C2orf42: variants seen among roughly 807,000 people sequenced by gnomAD.
The protein encoded by C2orf42 is uncharacterized protein C2orf42.
A neutral mutation model predicts 58.9 loss-of-function variants in C2orf42; 44 were observed. That is an observed-to-expected ratio of 0.75 (90% CI 0.59 to 0.96). The LOEUF (loss-of-function observed/expected upper bound fraction) is 0.96, where lower values mean the gene tolerates loss of function less well. Ranked by LOEUF, C2orf42 falls within the 40% of genes least tolerant of loss-of-function variation. The pLI, the probability that C2orf42 is intolerant of heterozygous loss-of-function variation, is 0.00. For missense variants in C2orf42, 630 were observed against 699.2 expected, an observed-to-expected ratio of 0.90 and a Z score of 1.12; for synonymous variants, 239 against 265.4, an observed-to-expected ratio of 0.90 and a Z score of 0.97.
At chr2:70,183,090 C>G (rs1175324405) in intron 1 of C2orf42, among the ~76,000 whole-genome samples, 155 bp from the exon 2 acceptor site, 2 of 152,050 alleles carry the variant, frequency 1.3e-5, no homozygotes, top group Non-Finnish European at 2.9e-5. Flanking sequence ...TTTTGTACTT[C>G]CAACTGTAAG....
chr2:70,173,300 G>A (rs1194605416), intron 5 of C2orf42, among the ~76,000 whole-genome samples: 2 of 129,706 alleles, frequency 1.5e-5, no homozygotes, highest in Admixed American at 8.4e-5. Flanking sequence ...TTGAGACGGA[G>A]TCTCACTCTG....
intron 8 of C2orf42, among the ~76,000 whole-genome samples, chr2:70,164,173 T>C (rs1265448807): frequency 6.6e-6 from 1 of 151,632 alleles, no homozygotes; most frequent in Non-Finnish European, 1.5e-5. Flanking sequence ...CATGGTGGCA[T>C]ATGCCTGTAG....
chr2:70,160,630 T>A lies in C2orf42; in HGVS notation c.1511A>T (p.Lys504Ile), dbSNP rs760716205. Reference protein sequence around the residue: ...LRPLELKTFLKVGNTSPDQKE... With the variant: ...LRPLELKTFLIVGNTSPDQKE... ...CAGTTTTGAAGTTCACTTACCAACT[T>A]TGAGAAAAGTTTTTAGTTCCAAGGG... Residue 504 changes from lysine to isoleucine, a missense_variant, in exon 9 of 10, where the codon AAA (lysine) becomes ATA (isoleucine). Coordinates refer to ENST00000264434, the MANE Select transcript of C2orf42 (RefSeq NM_017880.3). The A allele has an allele frequency of 1.2e-6, 2 of 1,602,022 alleles. No individual in the cohort carries two copies. Among genetic ancestry groups the A allele is most frequent in the Admixed American group, 3.6e-5 (2 of 55,954 alleles).
At chr2:70,170,565 C>T (rs2104915588) in intron 5 of C2orf42, among the ~76,000 whole-genome samples, 1 of 151,980 alleles carries the variant, frequency 6.6e-6, no homozygotes, top group East Asian at 1.9e-4. Flanking sequence ...ACCAGGCTGG[C>T]CAACATGGTG....
chr2:70,152,721 A>T (rs555711892), intron 9 of C2orf42, among the ~76,000 whole-genome samples: 9 of 152,170 alleles, frequency 5.9e-5, no homozygotes, highest in Non-Finnish European at 1.3e-4. Flanking sequence ...GGGGACTTGG[A>T]GGAGAGTAGG....
intron 1 of C2orf42, among the ~76,000 whole-genome samples, chr2:70,188,121 TACA>T (rs1276023818): frequency 1.3e-5 from 2 of 152,186 alleles, no homozygotes; most frequent in Non-Finnish European, 2.9e-5. Flanking sequence ...TTAACATTGG[TACA>T]ACACTATTAA....
At chr2:70,170,893 A>G (rs1413481576) in intron 5 of C2orf42, among the ~76,000 whole-genome samples, 1 of 152,038 alleles carries the variant, frequency 6.6e-6, no homozygotes, top group Non-Finnish European at 1.5e-5. Flanking sequence ...AGGCGGGTGG[A>G]TCATGAGGTC....
intron 9 of C2orf42, among the ~76,000 whole-genome samples, chr2:70,157,767 C>G (rs547418321): frequency 3.3e-4 from 50 of 150,948 alleles, no homozygotes; most frequent in Non-Finnish European, 5.2e-4. Flanking sequence ...ACTGCACTCC[C>G]GCCTGGGTGA....
chr2:70,156,230 A>G (rs1672666035), intron 9 of C2orf42, among the ~76,000 whole-genome samples: 1 of 152,238 alleles, frequency 6.6e-6, no homozygotes, highest in South Asian at 2.1e-4. Flanking sequence ...TTAGCAAAAA[A>G]TAAGACAAAA....
chr2:70,186,515 A>G (rs12996161), intron 1 of C2orf42, among the ~76,000 whole-genome samples: 82,599 of 151,966 alleles, frequency 0.54, 24,523 homozygotes, highest in African/African-American at 0.78. Flanking sequence ...TGGTGGGACT[A>G]TAAACTAGTT....
intron 6 of C2orf42, among the ~76,000 whole-genome samples, chr2:70,169,261 AC>A (rs1182608755): frequency 1.3e-5 from 2 of 151,764 alleles, no homozygotes; most frequent in Non-Finnish European, 2.9e-5. Flanking sequence ...ACACACACAC[AC>A]ACACACACAC....
chr2:70,187,661 A>G (rs1287230076), intron 1 of C2orf42, among the ~76,000 whole-genome samples: 1 of 152,174 alleles, frequency 6.6e-6, no homozygotes, highest in Non-Finnish European at 1.5e-5. Flanking sequence ...CAATAATTTT[A>G]GAAAATTTAT....
At chr2:70,152,332 G>C (rs1274609659) in intron 9 of C2orf42, among the ~76,000 whole-genome samples, 2 of 152,138 alleles carry the variant, frequency 1.3e-5, no homozygotes, top group Non-Finnish European at 2.9e-5. Flanking sequence ...GTTTGTCACA[G>C]ACATTCTAGC....
chr2:70,150,574 A>G lies in C2orf42; in HGVS notation c.1517-10T>C, dbSNP rs1558646651. On this transcript the variant is annotated splice_polypyrimidine_tract_variant and intron_variant, in intron 9 of 9. Transcript: ENST00000264434. ...TCTGGGGAAGTGTTGCCTAAAGAGAAGAAAGGAGTATTAGTACAATTCCAC... is the reference window on the plus strand; with the variant it reads ...TCTGGGGAAGTGTTGCCTAAAGAGAGGAAAGGAGTATTAGTACAATTCCAC... The G allele has an allele frequency of 1.2e-6, 2 of 1,602,674 alleles. No individual in the cohort carries two copies. The highest frequency in any genetic ancestry group is 1.7e-6 in the Non-Finnish European group (2 of 1,169,568).
In C2orf42 at chr2:70,168,413, G is replaced by A. The variant is rs530613778; in HGVS notation, c.1144+1144C>T. 2.4e-3 allele frequency among the ~76,000 whole-genome samples: 352 copies of A among 145,628 alleles called. 1 individual carries two copies. The highest frequency in any genetic ancestry group is 8.5e-3 in the African/African-American group (335 of 39,516). On this transcript the variant is annotated intron_variant, in intron 6 of 9. Coordinates refer to ENST00000264434, the MANE Select transcript of C2orf42 (RefSeq NM_017880.3). ...CGCCATTCTCCTGCCTCAGCCTCCC[G>A]AGTAGCTGGGACTACAGGCACCCGC...
chr2:70,183,638 G>A (rs1674726039), intron 1 of C2orf42, among the ~76,000 whole-genome samples: 1 of 149,522 alleles, frequency 6.7e-6, no homozygotes, highest in African/African-American at 2.5e-5. Context: ...ACTGTGTTTC[G>A]ATCTCCTGAC....
Position 70,150,323 on chromosome 2 carries a change from T to A in C2orf42, c.*33A>T, listed in dbSNP as rs3732260. On this transcript the variant is annotated 3_prime_UTR_variant, in exon 10 of 10. Coordinates refer to ENST00000264434, the MANE Select transcript of C2orf42 (RefSeq NM_017880.3). ...TTGTCAAGGGGTGGGGATGTGCAAA[T>A]TAAGCAGCAAAAGATTATTATCTTG... 9.0e-5 allele frequency: 143 copies of A among 1,587,828 alleles called. 1 individual carries two copies. The East Asian group carries it at 3.2e-3, about 36-fold the overall frequency.
chr2:70,169,451 TCTGGA>T lies in C2orf42; in HGVS notation c.1144+101_1144+105del, dbSNP rs1323649342. 2.0e-5 allele frequency: 11 copies of T among 546,152 alleles called. No individual in the cohort carries two copies. In the East Asian group the frequency reaches 2.9e-4, roughly 14 times the overall value. 33.8% of individuals were successfully genotyped at this position (546,152 alleles called of 1,614,324 possible). A position where few individuals can be genotyped will look rare whatever the true frequency, so the allele number is the denominator to read the frequency against. On this transcript the variant is annotated intron_variant, in intron 6 of 9. Coordinates refer to ENST00000264434, the MANE Select transcript of C2orf42 (RefSeq NM_017880.3). The stretch of plus-strand genomic sequence containing the variant: ...TCTACTTTCTTGTGGCCCAGTGCTC[TCTGGA>T]CTGAAGTCCAATTACTTTTCCTATC...
At chr2:70,161,362 A>C (rs1247154714) in intron 8 of C2orf42, among the ~76,000 whole-genome samples, 1 of 152,160 alleles carries the variant, frequency 6.6e-6, no homozygotes, top group Non-Finnish European at 1.5e-5. Flanking sequence ...GACAGTGAGA[A>C]GCTCCATGAT....
Sources: allele counts gnomAD v4.1 joint callset (sites outside exome capture counted in the v4.1 genomes callset), GRCh38; gene constraint gnomAD v4.1.1; transcripts MANE v1.5; gene names NCBI Gene and HGNC (gene_info 2026-07-23, HGNC 2026-07-21).